SLC9A9: variants seen among roughly 807,000 people sequenced by gnomAD.
SLC9A9 encodes the protein solute carrier family 9 member A9.
SLC9A9 carries 62 observed loss-of-function variants against 77.8 expected under a neutral mutation model. That is an observed-to-expected ratio of 0.80 (90% CI 0.65 to 0.98). The LOEUF (loss-of-function observed/expected upper bound fraction) is 0.98, where lower values mean the gene tolerates loss of function less well. SLC9A9 is among the 50% of genes least tolerant of loss of function. The pLI is 0.00. For missense variants in SLC9A9, 775 were observed against 774.9 expected (o/e 1.00, Z 0.00); for synonymous variants, 320 against 283.5 (o/e 1.13, Z -1.29).
At chr3:143,386,207 G>A (rs558735795) in intron 12 of SLC9A9, among the ~76,000 whole-genome samples, 3 of 152,142 alleles carry the variant, frequency 2.0e-5, no homozygotes, top group South Asian at 2.1e-4. Flanking sequence ...AATCCCTTCT[G>A]GGCACTGGAG....
intron 11 of SLC9A9, among the ~76,000 whole-genome samples, chr3:143,474,503 A>C (rs1486554176): frequency 6.6e-6 from 1 of 151,932 alleles, no homozygotes; most frequent in East Asian, 1.9e-4. Context: ...CAGGTGCTGA[A>C]TGTATGTCAA....
chr3:143,634,867 A>G (rs1330677331), intron 6 of SLC9A9, among the ~76,000 whole-genome samples: 2 of 152,086 alleles, frequency 1.3e-5, no homozygotes, highest in Non-Finnish European at 2.9e-5. Flanking sequence ...TTTTGATTAT[A>G]ACTCATCTTT....
chr3:143,739,133 T>A (rs891442593), intron 4 of SLC9A9, among the ~76,000 whole-genome samples: 2 of 152,112 alleles, frequency 1.3e-5, no homozygotes, highest in Admixed American at 1.3e-4. Flanking sequence ...CATGCCTTTG[T>A]CTTTCTGAAG....
chr3:143,788,688 C>CAAAAAAAA (rs71140455), intron 4 of SLC9A9, among the ~76,000 whole-genome samples: 3 of 89,894 alleles, frequency 3.3e-5, no homozygotes, highest in African/African-American at 1.4e-4. Context: ...GAGACTCCAT[C>CAAAAAAAA]AAAAAAAAAA....
intron 11 of SLC9A9, among the ~76,000 whole-genome samples, chr3:143,483,929 CA>C (rs11328347): frequency 0.22 from 33,298 of 151,976 alleles, 4,751 homozygotes; most frequent in Non-Finnish European, 0.32. Flanking sequence ...GTCTTGTTCG[CA>C]CAAATACCTA....
chr3:143,733,603 C>A (rs1934864306), intron 4 of SLC9A9, among the ~76,000 whole-genome samples: 1 of 151,974 alleles, frequency 6.6e-6, no homozygotes, highest in Non-Finnish European at 1.5e-5. Flanking sequence ...CACAGATGAG[C>A]CTGAGGCAAC....
intron 5 of SLC9A9, among the ~76,000 whole-genome samples, chr3:143,685,343 C>A (rs191991250): frequency 2.0e-5 from 3 of 152,154 alleles, no homozygotes; most frequent in Admixed American, 2.0e-4. Flanking sequence ...TCAGTAGCAA[C>A]ATGTATCTCG....
intron 2 of SLC9A9, among the ~76,000 whole-genome samples, chr3:143,804,682 A>G (rs2008663004): frequency 6.6e-6 from 1 of 152,164 alleles, no homozygotes. Flanking sequence ...AAATGGGACC[A>G]AAGAGCTCCC....
At chr3:143,767,640 G>A (rs935465999) in intron 4 of SLC9A9, among the ~76,000 whole-genome samples, 7 of 152,070 alleles carry the variant, frequency 4.6e-5, no homozygotes, top group Admixed American at 1.3e-4. Flanking sequence ...TTGTTTCAAT[G>A]GAGGTACAAC....
intron 4 of SLC9A9, among the ~76,000 whole-genome samples, chr3:143,737,196 A>T (rs1387082419): frequency 1.3e-5 from 2 of 152,210 alleles, no homozygotes; most frequent in African/African-American, 2.4e-5. Context: ...TTTCTGCTCC[A>T]GTATTTTAAT....
intron 11 of SLC9A9, among the ~76,000 whole-genome samples, chr3:143,470,386 A>T (rs1416032808): frequency 4.6e-5 from 7 of 151,910 alleles, no homozygotes. Flanking sequence ...AGGCTGAGGC[A>T]GGAGAATCAC....
intron 14 of SLC9A9, among the ~76,000 whole-genome samples, chr3:143,349,485 T>C (rs965213047): frequency 1.3e-5 from 2 of 152,332 alleles, no homozygotes; most frequent in East Asian, 1.9e-4. Flanking sequence ...ACCTAATTTT[T>C]CTAGGCCCTA....
rs182877282 is a variant in SLC9A9 at position 143,399,655 on chromosome 3, C to T, written c.1470-17541G>A. The stretch of plus-strand genomic sequence containing the variant: ...GGAAACAGAATTAGCATCAATTTGG[C>T]GGAAAATAACATAATGAAAGTTAAT... On this transcript the variant is annotated intron_variant, in intron 12 of 15. Coordinates refer to ENST00000316549, the MANE Select transcript of SLC9A9 (RefSeq NM_173653.4). Among the ~76,000 whole-genome samples, 37 of 152,138 alleles carry T rather than the reference C, an allele frequency of 2.4e-4. No homozygotes were observed. The East Asian group carries it at 5.4e-3, about 22-fold the overall frequency.
At chr3:143,444,270 A>T (rs897218703) in intron 12 of SLC9A9, among the ~76,000 whole-genome samples, 1 of 152,228 alleles carries the variant, frequency 6.6e-6, no homozygotes, top group Non-Finnish European at 1.5e-5. Flanking sequence ...AACAGGGTCA[A>T]ATGTGAGGCC....
intron 4 of SLC9A9, among the ~76,000 whole-genome samples, chr3:143,736,579 A>G (rs1189431109): frequency 6.6e-6 from 1 of 152,110 alleles, no homozygotes; most frequent in African/African-American, 2.4e-5. Flanking sequence ...CCCTTCTTTC[A>G]TTGTTTACCT....
intron 12 of SLC9A9, among the ~76,000 whole-genome samples, chr3:143,413,264 G>T (rs1208333646): frequency 2.0e-5 from 3 of 152,206 alleles, no homozygotes; most frequent in Non-Finnish European, 4.4e-5. Context: ...CTTTTCCAAA[G>T]ACTTGTCACA....
chr3:143,552,547 G>T, intron 8 of SLC9A9, 97 bp from the exon 9 acceptor site: 1 of 1,013,400 alleles, frequency 9.9e-7, no homozygotes, highest in Non-Finnish European at 1.5e-6. Context: ...CTTGGTGTCA[G>T]TAGAGTTAAA....
At position 143,837,481 on chromosome 3, in the gene SLC9A9, G is replaced by A. The variant is rs1246700918; in HGVS notation, c.176-5260C>T. Among the ~76,000 whole-genome samples, 4 of 152,238 alleles carry A rather than the reference G, an allele frequency of 2.6e-5. No individual in the cohort carries two copies. In the East Asian group the frequency reaches 5.8e-4, roughly 22 times the overall value. ...GCTACCAAGAATAATCTAGATTCAT[G>A]AGGCATCGCCAATTCTCTAAAATAA... is the stretch of plus-strand genomic sequence containing the variant. On this transcript the variant is annotated intron_variant, in intron 1 of 15. Coordinates refer to ENST00000316549, the MANE Select transcript of SLC9A9 (RefSeq NM_173653.4).
At chr3:143,798,017 A>G (rs1262860074) in intron 2 of SLC9A9, among the ~76,000 whole-genome samples, 1 of 152,148 alleles carries the variant, frequency 6.6e-6, no homozygotes, top group Non-Finnish European at 1.5e-5. Flanking sequence ...GCTCCGTGAG[A>G]AAGATCCACC....
Sources: allele counts gnomAD v4.1 joint callset (sites outside exome capture counted in the v4.1 genomes callset), GRCh38; gene constraint gnomAD v4.1.1; transcripts MANE v1.5; gene names NCBI Gene and HGNC (gene_info 2026-07-23, HGNC 2026-07-21).